The following PCDHA12 variants were observed in gnomAD, a reference collection of about 807,000 sequenced individuals.
PCDHA12 encodes the protein protocadherin alpha 12.
In PCDHA12, 44 loss-of-function variants were observed where a neutral mutation model predicts 60.0. The observed-to-expected ratio is 0.73, with a 90% CI of 0.58 to 0.94. The LOEUF is 0.94. PCDHA12 is among the 40% of genes least tolerant of loss of function. PCDHA12 has a pLI of 0.00. For synonymous variants in PCDHA12, 569 were observed against 553.0 expected (o/e 1.03, Z -0.40); for missense variants, 1,276 against 1,239.7 (o/e 1.03, Z -0.44).
At chr5:140,978,914 C>A (rs2096828574) in intron 1 of PCDHA12, 35 bp from the exon 2 acceptor site, 10 of 1,613,852 alleles carry the variant, frequency 6.2e-6, no homozygotes, top group Non-Finnish European at 8.5e-6. Context: ...ATTGTCTTGT[C>A]ATTTTAACAG....
chr5:140,968,753 C>T (rs782591270), intron 1 of PCDHA12: 8 of 1,614,018 alleles, frequency 5.0e-6, no homozygotes, highest in Non-Finnish European at 6.8e-6. Flanking sequence ...CGTGGTGGTC[C>T]GAGATAATGG....
intron 1 of PCDHA12, among the ~76,000 whole-genome samples, chr5:140,938,945 T>A (rs1390189208): frequency 6.6e-6 from 1 of 152,154 alleles, no homozygotes; most frequent in African/African-American, 2.4e-5. Context: ...TCCATTCTTA[T>A]AATGCTCTAG....
At position 140,883,732 on chromosome 5, in the gene PCDHA12, G is replaced by T. The variant is rs17844355; in HGVS notation, c.2367+5893G>T. The stretch of plus-strand genomic sequence containing the variant: ...AGGACGCGGACGCACAGGAGAACGC[G>T]CTGGTCTCCTACTCGCTGGTGGAGC... On this transcript the variant is annotated intron_variant, in intron 1 of 3. Transcript: ENST00000398631. The T allele has an allele frequency of 3.9e-4, 630 of 1,613,452 alleles. 2 individuals are homozygous for T. The East Asian group carries it at 0.013, about 33-fold the overall frequency.
At position 140,876,222 on chromosome 5, in the gene PCDHA12, G is replaced by T. The variant is rs923525457; in HGVS notation, c.750G>T (p.Val250=). 1 of 1,613,972 alleles carries T rather than the reference G, an allele frequency of 6.2e-7. No homozygotes were observed. The highest frequency in any genetic ancestry group is 8.5e-7 in the Non-Finnish European group (1 of 1,179,892). ...PAFDKPSYKV[V]LSENVQNDTR... is the part of the protein sequence containing the mutation. ...TTGATAAGCCCAGCTATAAAGTAGT[G>T]TTGTCTGAAAATGTCCAAAACGACA... Residue 250 remains valine, a synonymous_variant, in exon 1 of 4, where the codon GTG becomes GTT. Transcript: ENST00000398631.
Position 140,883,339 on chromosome 5 carries a change from C to A in PCDHA12, c.2367+5500C>A, listed in dbSNP as rs142984869. 95 of 1,614,172 alleles carry A rather than the reference C, an allele frequency of 5.9e-5. No individual in the cohort carries two copies. The African/African-American group carries it at 1.1e-3, about 19-fold the overall frequency. ...AGGTTACCATCACTTCTTTGTCACTCCCCATCAGAGAAGACACTCAGCCTA... is the reference window on the plus strand; with the variant it reads ...AGGTTACCATCACTTCTTTGTCACTACCCATCAGAGAAGACACTCAGCCTA... On this transcript the variant is annotated intron_variant, in intron 1 of 3. Coordinates refer to ENST00000398631, the MANE Select transcript of PCDHA12 (RefSeq NM_018903.4).
At position 140,875,985 on chromosome 5, in the gene PCDHA12, G is replaced by T; in HGVS notation, c.513G>T (p.Ala171=). The T allele has an allele frequency of 6.2e-7, 1 of 1,613,950 alleles. No individual in the cohort carries two copies. The highest frequency in any genetic ancestry group is 1.1e-5 in the South Asian group (1 of 91,078). ...DIGVNSLLTY[A]LSLNENFELK... ...GCGTAAACTCTCTTTTGACCTATGCGTTAAGTCTAAATGAGAATTTTGAGC... is the reference window on the plus strand; with the variant it reads ...GCGTAAACTCTCTTTTGACCTATGCTTTAAGTCTAAATGAGAATTTTGAGC... The change falls in exon 1 of 4, where the codon GCG becomes GCT. Residue 171 remains alanine, a synonymous_variant. Coordinates refer to ENST00000398631, the MANE Select transcript of PCDHA12 (RefSeq NM_018903.4).
chr5:140,969,826 A>G (rs782339572), intron 1 of PCDHA12, among the ~76,000 whole-genome samples: 24 of 152,344 alleles, frequency 1.6e-4, no homozygotes, highest in Middle Eastern at 3.4e-3. Flanking sequence ...TGGACTGTCT[A>G]CAGTGGAAAT....
intron 1 of PCDHA12, chr5:140,881,502 A>G: frequency 1.2e-5 from 3 of 249,864 alleles, no homozygotes; most frequent in Non-Finnish European, 1.9e-5. Context: ...ACATACACAC[A>G]CTCACATACA....
chr5:140,955,284 T>C (rs1207930664), intron 1 of PCDHA12, among the ~76,000 whole-genome samples: 1 of 152,170 alleles, frequency 6.6e-6, no homozygotes, highest in African/African-American at 2.4e-5. Context: ...CATATTGATA[T>C]GGTTTGGCTG....
chr5:140,880,645 C>T (rs535367313), intron 1 of PCDHA12, among the ~76,000 whole-genome samples: 5 of 152,148 alleles, frequency 3.3e-5, no homozygotes, highest in Admixed American at 3.3e-4. Flanking sequence ...CACTTGAGAG[C>T]CCAACTGAGG....
rs782733393 is a variant in PCDHA12 at position 140,875,889 on chromosome 5, G to A, written c.417G>A (p.Lys139=). The A allele has an allele frequency of 6.2e-6, 10 of 1,614,054 alleles. No homozygotes were observed. The South Asian group carries it at 8.8e-5, about 14-fold the overall frequency. The change falls in exon 1 of 4, where the codon AAG becomes AAA. Residue 139 remains lysine (K), a synonymous_variant. Coordinates refer to ENST00000398631, the MANE Select transcript of PCDHA12 (RefSeq NM_018903.4). ...NPPVFREREQ[K]VPVSESAPLD... is the part of the protein sequence containing the mutation. ...CGGTGTTCAGAGAAAGGGAACAAAA[G>A]GTACCTGTTTCTGAATCTGCGCCTC...
At position 140,877,765 on chromosome 5, in the gene PCDHA12, C is replaced by T. The variant is rs377126743; in HGVS notation, c.2293C>T (p.Pro765Ser). 4.3e-6 allele frequency: 7 copies of T among 1,614,176 alleles called. No individual in the cohort carries two copies. Among genetic ancestry groups the T allele is most frequent in the Non-Finnish European group, 5.1e-6 (6 of 1,180,034 alleles). Residue 765 changes from proline to serine, a missense_variant, in exon 1 of 4, where the codon CCC (proline) becomes TCC (serine). By Grantham distance (74) the Pro-to-Ser change is moderately conservative. Coordinates refer to ENST00000398631, the MANE Select transcript of PCDHA12 (RefSeq NM_018903.4). ...RQRVCSAESP[P>S]KTDLMAFSPS... ...GAGGGTGTGCTCTGCAGAGAGCCCG[C>T]CCAAGACGGACCTCATGGCCTTCAG...
At chr5:140,910,690 G>T (rs2153515620) in intron 1 of PCDHA12, among the ~76,000 whole-genome samples, 1 of 152,224 alleles carries the variant, frequency 6.6e-6, no homozygotes, top group African/African-American at 2.4e-5. Context: ...GGCATTTCCA[G>T]CTTGCTCACA....
Position 141,010,042 on chromosome 5 carries a change from TAGAGACCTCAG to T in PCDHA12, c.*107_*117del. ...TTTTTCCTATCTACATGAGCCCTCTTAGAGACCTCAGAAATCTGCAGAAAGTTCCCTGTGTC... is the reference window on the plus strand; with the variant it reads ...TTTTTCCTATCTACATGAGCCCTCTTAAATCTGCAGAAAGTTCCCTGTGTC... On this transcript the variant is annotated 3_prime_UTR_variant, in exon 4 of 4. Transcript: ENST00000398631. 6.3e-7 allele frequency: 1 copy of T among 1,594,374 alleles called. No individual in the cohort carries two copies. The highest frequency in any genetic ancestry group is 1.2e-5 in the South Asian group (1 of 86,942).
At position 140,875,356 on chromosome 5, in the gene PCDHA12, G is replaced by A. The variant is rs2055432006; in HGVS notation, c.-117G>A. On this transcript the variant is annotated 5_prime_UTR_variant, in exon 1 of 4. It removes an upstream start codon present in the reference 5' UTR. Transcript: ENST00000398631. Reference sequence around the variant, plus strand: ...GGATCGACTCCATAATGACTGTGATGCTGGAAAAAATTTACTAAATATGTA... The same window carrying A: ...GGATCGACTCCATAATGACTGTGATACTGGAAAAAATTTACTAAATATGTA... 4 of 1,446,352 alleles carry A rather than the reference G, an allele frequency of 2.8e-6. No individual in the cohort carries two copies. Among genetic ancestry groups the A allele is most frequent in the East Asian group, 2.5e-5 (1 of 40,102 alleles). 89.6% of individuals were successfully genotyped at this position (1,446,352 alleles called of 1,614,324 possible).
intron 1 of PCDHA12, among the ~76,000 whole-genome samples, chr5:140,891,210 G>A (rs2062986388): frequency 1.3e-5 from 2 of 152,180 alleles, no homozygotes; most frequent in South Asian, 4.1e-4. Context: ...TTACCATGCT[G>A]TGTCTTTATA....
At chr5:140,966,683 G>A (rs1357691419) in intron 1 of PCDHA12, 1 of 1,331,590 alleles carries the variant, frequency 7.5e-7, no homozygotes. Flanking sequence ...TGGCACGAGC[G>A]GAGGCGGGGC....
chr5:140,908,547 A>G (rs2074022083), intron 1 of PCDHA12, among the ~76,000 whole-genome samples: 1 of 152,152 alleles, frequency 6.6e-6, no homozygotes, highest in Non-Finnish European at 1.5e-5. Context: ...AAAGCCCAGT[A>G]ATAGGCCAAG....
At chr5:140,888,870 A>G (rs2062015576) in intron 1 of PCDHA12, among the ~76,000 whole-genome samples, 1 of 152,158 alleles carries the variant, frequency 6.6e-6, no homozygotes, top group Non-Finnish European at 1.5e-5. Flanking sequence ...ATGTCTCAAC[A>G]TAAAAATTAA....
Sources: allele counts gnomAD v4.1 joint callset (sites outside exome capture counted in the v4.1 genomes callset), GRCh38; gene constraint gnomAD v4.1.1; transcripts MANE v1.5; gene names NCBI Gene and HGNC (gene_info 2026-07-23, HGNC 2026-07-21).